ATG7: variants seen among roughly 807,000 people sequenced by gnomAD.
ATG7 encodes ubiquitin-like modifier-activating enzyme ATG7.
In ATG7, 70 loss-of-function variants were observed where a neutral mutation model predicts 82.4. The ratio of observed to expected loss-of-function variants is 0.85; its 90% CI spans 0.70 to 1.04. ATG7 has a LOEUF of 1.04. Ranked by LOEUF, ATG7 falls within the 50% of genes least tolerant of loss-of-function variation. ATG7 has a pLI of 0.00. For missense variants in ATG7, 792 were observed against 864.3 expected, an observed-to-expected ratio of 0.92 and a Z score of 1.05; for synonymous variants, 287 against 313.0, an observed-to-expected ratio of 0.92 and a Z score of 0.88.
intron 19 of ATG7, among the ~76,000 whole-genome samples, chr3:11,381,352 G>A (rs1245842345): frequency 6.6e-6 from 1 of 152,066 alleles, no homozygotes; most frequent in East Asian, 1.9e-4. Flanking sequence ...TAACTTGGCA[G>A]TATTAATTTT....
At chr3:11,287,308 C>G (rs563811172) in intron 3 of ATG7, among the ~76,000 whole-genome samples, 20 of 152,224 alleles carry the variant, frequency 1.3e-4, no homozygotes, top group African/African-American at 4.8e-4. Flanking sequence ...AGGCGAGGCA[C>G]CTCTGAGAAG....
intron 20 of ATG7, among the ~76,000 whole-genome samples, chr3:11,528,669 T>C (rs926379760): frequency 1.4e-4 from 21 of 151,452 alleles, no homozygotes; most frequent in Non-Finnish European, 2.9e-5. Flanking sequence ...CTACTAAAAA[T>C]ACAAAAATTA....
intron 9 of ATG7, among the ~76,000 whole-genome samples, chr3:11,327,093 T>G (rs1016635763): frequency 2.6e-5 from 4 of 152,204 alleles, no homozygotes; most frequent in Non-Finnish European, 4.4e-5. Flanking sequence ...GTCCGTGTAT[T>G]GAAGCCTGGA....
intron 18 of ATG7, among the ~76,000 whole-genome samples, chr3:11,368,495 A>C (rs1343301495): frequency 1.3e-5 from 2 of 152,140 alleles, no homozygotes; most frequent in Non-Finnish European, 2.9e-5. Flanking sequence ...TCAAAGGATG[A>C]TAATGAGGTG....
the ATG7 span, among the ~76,000 whole-genome samples, chr3:11,565,474 C>A: frequency 6.6e-6 from 1 of 152,168 alleles, no homozygotes; most frequent in Non-Finnish European, 1.5e-5. This position sits in a 1 kb window ranked among gnomAD's most constrained non-coding sequence, Gnocchi z 4.1. Context: ...ATCTTCCTCA[C>A]AGTACTGCTC....
chr3:11,430,547 G>A (rs1381757596), intron 20 of ATG7, among the ~76,000 whole-genome samples: 4 of 152,186 alleles, frequency 2.6e-5, no homozygotes, highest in Admixed American at 2.6e-4. Flanking sequence ...AATTGCAAAC[G>A]ATTCAACTAG....
the ATG7 span, chr3:11,564,943 G>A: frequency 5.7e-6 from 9 of 1,578,670 alleles, 1 homozygote; most frequent in South Asian, 6.9e-5. Flanking sequence ...CTCATGGTGG[G>A]GGCCACAGCG....
rs113763506 is a variant in ATG7 at position 11,378,090 on chromosome 3, T to C, written c.1876-1882T>C. On this transcript the variant is annotated intron_variant, in intron 18 of 20. Transcript: ENST00000693202. ...TCACTCAGGCTGGATCTCAGCTCACTGCAACCTCTGCCTCCCAGGATCAAG... is the reference window on the plus strand; with the variant it reads ...TCACTCAGGCTGGATCTCAGCTCACCGCAACCTCTGCCTCCCAGGATCAAG... Among the ~76,000 whole-genome samples, 809 of 144,504 alleles carry C rather than the reference T, an allele frequency of 5.6e-3. 6 individuals carry two copies. Among genetic ancestry groups the C allele is most frequent in the African/African-American group, 0.019 (731 of 38,274 alleles). The allele number at this position is 144,504 out of a possible 152,430, so 94.8% of individuals were successfully genotyped here.
At chr3:11,316,352 A>G (rs1949407961) in intron 9 of ATG7, among the ~76,000 whole-genome samples, 1 of 152,024 alleles carries the variant, frequency 6.6e-6, no homozygotes, top group Admixed American at 6.5e-5. Flanking sequence ...CAGAATCTCC[A>G]TCCCCTTCCC....
At chr3:11,312,334 A>G (rs987708841) in intron 7 of ATG7, among the ~76,000 whole-genome samples, 1 of 152,246 alleles carries the variant, frequency 6.6e-6, no homozygotes, top group African/African-American at 2.4e-5. Context: ...CTGGAATGCT[A>G]CCATGAATTT....
chr3:11,545,229 C>T (rs1274052028), intron 20 of ATG7, among the ~76,000 whole-genome samples: 3 of 152,160 alleles, frequency 2.0e-5, no homozygotes, highest in African/African-American at 7.2e-5. Context: ...ACTTCACTCT[C>T]CCTCTGTGCA....
rs546012502 is a variant in ATG7, at chr3:11,368,001, A to G, written c.1875+3267A>G. On this transcript the variant is annotated intron_variant, in intron 18 of 20. Coordinates refer to ENST00000693202, the MANE Select transcript of ATG7 (RefSeq NM_001349232.2). ...ACAAAGTAACTATCAAGCACCTTCA[A>G]TGCCCCCCTCATGCCTCTTCGGATT... Among the ~76,000 whole-genome samples, 3 of 152,048 alleles carry G rather than the reference A, an allele frequency of 2.0e-5. No homozygotes were observed. The South Asian group carries it at 6.2e-4, about 32-fold the overall frequency.
chr3:11,308,825 C>T (rs928659823), intron 6 of ATG7, 159 bp from the exon 7 acceptor site: 32 of 675,568 alleles, frequency 4.7e-5, no homozygotes, highest in South Asian at 3.3e-4. Context: ...AGTGTGAAGT[C>T]GGCAGAGTGA....
chr3:11,518,442 G>A (rs59092080), intron 20 of ATG7, among the ~76,000 whole-genome samples: 8,943 of 152,102 alleles, frequency 0.059, 398 homozygotes, highest in African/African-American at 0.12. Flanking sequence ...AGCTACTTGG[G>A]AGGCTGAGGC....
rs371046819 is a variant in ATG7, at chr3:11,545,458, GC to G, written c.2080-9352del. On this transcript the variant is annotated intron_variant, in intron 20 of 20. Coordinates refer to ENST00000693202, the MANE Select transcript of ATG7 (RefSeq NM_001349232.2). ...GAGCGAGCCCTGCCTCCCATCCTCG[GC>G]TCCCGGCTGGAGAGTCTCCACGGCC... 1.4e-4 allele frequency among the ~76,000 whole-genome samples: 22 copies of G among 152,314 alleles called. No individual in the cohort carries two copies. The South Asian group carries it at 4.3e-3, about 30-fold the overall frequency.
intron 11 of ATG7, among the ~76,000 whole-genome samples, chr3:11,339,770 T>C (rs1575559231): frequency 6.6e-6 from 1 of 152,184 alleles, no homozygotes. Context: ...AAGGGAGATA[T>C]GGAGAGCCAC....
intron 20 of ATG7, among the ~76,000 whole-genome samples, chr3:11,535,623 TGATGATTGACA>T (rs6147708): frequency 0.24 from 36,186 of 151,886 alleles, 4,673 homozygotes; most frequent in African/African-American, 0.32. Flanking sequence ...TGGACTTGAC[TGATGATTGACA>T]GATGAGGCAC....
At chr3:11,457,584 C>T (rs750709024) in intron 20 of ATG7, among the ~76,000 whole-genome samples, 5 of 152,196 alleles carry the variant, frequency 3.3e-5, no homozygotes, top group South Asian at 2.1e-4. Context: ...TCTTTGCCTC[C>T]GGATCAGGGG....
At chr3:11,486,182 T>C (rs1299952870) in intron 20 of ATG7, among the ~76,000 whole-genome samples, 7 of 152,334 alleles carry the variant, frequency 4.6e-5, no homozygotes, top group African/African-American at 1.7e-4. Flanking sequence ...GAGGATGGAA[T>C]GTTCTTCCAT....
Sources: allele counts gnomAD v4.1 joint callset (sites outside exome capture counted in the v4.1 genomes callset), GRCh38; gene constraint gnomAD v4.1.1; non-coding constraint Gnocchi (gnomAD v3.1); transcripts MANE v1.5; gene names NCBI Gene and HGNC (gene_info 2026-07-23, HGNC 2026-07-21).